The following SCML4 variants were observed in gnomAD, a reference collection of about 807,000 sequenced individuals.
The protein encoded by SCML4 is Scm polycomb group protein like 4, also known as sex comb on midleg-like protein 4.
A neutral mutation model predicts 41.1 loss-of-function variants in SCML4; 34 were observed. The ratio of observed to expected loss-of-function variants is 0.83; its 90% confidence interval spans 0.63 to 1.10. The LOEUF is 1.10. Ranked by LOEUF, SCML4 falls within the 50% of genes least tolerant of loss-of-function variation. The pLI is 0.00. For missense variants in SCML4, 522 were observed against 534.1 expected (o/e 0.98, Z 0.22); for synonymous variants, 214 against 220.9 (o/e 0.97, Z 0.28).
At chr6:107,824,999 ATG>A (rs923390450), upstream of SCML4, among the ~76,000 whole-genome samples, 1 of 151,268 alleles carries the variant, frequency 6.6e-6, no homozygotes, top group Admixed American at 6.6e-5. Flanking sequence ...CCAGGCCTGT[ATG>A]TGTGTGTGTG....
intron 1 of SCML4, among the ~76,000 whole-genome samples, chr6:107,781,921 C>A (rs1033428350): frequency 5.3e-5 from 8 of 152,142 alleles, no homozygotes; most frequent in Non-Finnish European, 1.2e-4. Context: ...TAGTAATGGG[C>A]CCTCGCTGTG....
rs187031889 is a variant in SCML4, at chr6:107,722,183, G to T, written c.683-1190C>A. On this transcript the variant is annotated intron_variant, in intron 5 of 7. Coordinates refer to ENST00000369020, the MANE Select transcript of SCML4 (RefSeq NM_198081.5). ...GTAGAGATGGGGTTTCACCATGTTG[G>T]CCAGGCTGGTCTCAAACTCCTGACC... Among the ~76,000 whole-genome samples the T allele has an allele frequency of 1.6e-3, 242 of 151,386 alleles. 7 individuals are homozygous for T. Among genetic ancestry groups the T allele is most frequent in the Admixed American group, 0.016 (242 of 15,216 alleles).
intron 7 of SCML4, among the ~76,000 whole-genome samples, chr6:107,706,788 G>A (rs1254817917): frequency 2.0e-5 from 3 of 152,114 alleles, no homozygotes; most frequent in Non-Finnish European, 2.9e-5. Flanking sequence ...CCGAGCAGCC[G>A]AACAGGCCTC....
intron 1 of SCML4, among the ~76,000 whole-genome samples, chr6:107,802,769 T>C (rs1783304407): frequency 6.9e-6 from 1 of 145,932 alleles, no homozygotes; most frequent in African/African-American, 2.6e-5. Flanking sequence ...CTCCCTCTCT[T>C]TCCACGGTCT....
At chr6:107,786,748 A>T (rs1027771479) in intron 1 of SCML4, among the ~76,000 whole-genome samples, 2 of 152,168 alleles carry the variant, frequency 1.3e-5, no homozygotes, top group Admixed American at 1.3e-4. Context: ...GAGGCAGCAG[A>T]GTCCAGCCCA....
chr6:107,762,695 C>G (rs1779697036), intron 2 of SCML4, among the ~76,000 whole-genome samples: 1 of 152,056 alleles, frequency 6.6e-6, no homozygotes, highest in African/African-American at 2.4e-5. Flanking sequence ...AAGCCTGACA[C>G]TATCAGAAGC....
chr6:107,751,630 CTTTCTT>C (rs1778676620), intron 2 of SCML4, among the ~76,000 whole-genome samples: 4 of 142,008 alleles, frequency 2.8e-5, no homozygotes, highest in Non-Finnish European at 6.1e-5. Flanking sequence ...TTCTTTCTTT[CTTTCTT>C]TCTTTCTTTC....
At chr6:107,759,526 G>A (rs1779409371) in intron 2 of SCML4, among the ~76,000 whole-genome samples, 1 of 152,162 alleles carries the variant, frequency 6.6e-6, no homozygotes, top group Non-Finnish European at 1.5e-5. Context: ...GGTGTACTTT[G>A]AGATGGAACT....
intron 6 of SCML4, among the ~76,000 whole-genome samples, chr6:107,716,137 A>C (rs891940952): frequency 3.9e-5 from 6 of 152,172 alleles, no homozygotes; most frequent in Non-Finnish European, 8.8e-5. Context: ...GTTTCCAAAC[A>C]TTTTTAGTTG....
intron 6 of SCML4, among the ~76,000 whole-genome samples, chr6:107,709,348 A>G (rs1005438015): frequency 6.6e-6 from 1 of 152,226 alleles, no homozygotes; most frequent in Non-Finnish European, 1.5e-5. Context: ...GATGTAGCTC[A>G]TCATGTGTGA....
chr6:107,818,796 C>T (rs1784737174), intron 1 of SCML4, among the ~76,000 whole-genome samples: 1 of 152,228 alleles, frequency 6.6e-6, no homozygotes, highest in Non-Finnish European at 1.5e-5. Context: ...GGATTAAAAT[C>T]CTGAGGCCAG....
In SCML4 at chr6:107,723,284, C is replaced by A. The variant is rs117022174; in HGVS notation, c.683-2291G>T. Among the ~76,000 whole-genome samples the A allele has an allele frequency of 2.9e-3, 449 of 152,238 alleles. 3 individuals are homozygous for A. Among genetic ancestry groups the A allele is most frequent in the Non-Finnish European group, 2.9e-3 (200 of 67,972 alleles). ...TACCACACATTATAGTTTAGCCTAG[C>A]TGACCTCAAACATGCTCAGAACACT... On this transcript the variant is annotated intron_variant, in intron 5 of 7. Transcript: ENST00000369020.
intron 2 of SCML4, among the ~76,000 whole-genome samples, chr6:107,756,438 C>T (rs920991118): frequency 6.6e-6 from 1 of 152,138 alleles, no homozygotes; most frequent in Non-Finnish European, 1.5e-5. Context: ...AAATACCCAA[C>T]CAGTACTCCT....
the SCML4 span, among the ~76,000 whole-genome samples, chr6:107,845,804 G>A: frequency 2.0e-5 from 3 of 152,194 alleles, no homozygotes; most frequent in African/African-American, 7.2e-5. Context: ...TTTACTACAC[G>A]TGGTATTACA....
At chr6:107,746,997 C>G in intron 3 of SCML4, 108 bp from the exon 4 acceptor site, 1 of 923,680 alleles carries the variant, frequency 1.1e-6, no homozygotes. Flanking sequence ...TGGCCCTGGC[C>G]TTGGGAAAGC....
At chr6:107,719,838 T>C in intron 6 of SCML4, 1 of 951,670 alleles carries the variant, frequency 1.1e-6, no homozygotes, top group South Asian at 4.8e-5. Context: ...CCAGGCTGTC[T>C]GGCTCTAGTC....
At chr6:107,796,402 G>A (rs1368507694) in intron 1 of SCML4, among the ~76,000 whole-genome samples, 1 of 152,144 alleles carries the variant, frequency 6.6e-6, no homozygotes, top group South Asian at 2.1e-4. Context: ...TAGAGATGCT[G>A]AGCCCGTTTT....
chr6:107,737,154 G>A (rs1391787686), intron 5 of SCML4, among the ~76,000 whole-genome samples: 1 of 152,190 alleles, frequency 6.6e-6, no homozygotes, highest in African/African-American at 2.4e-5. Context: ...GGACCCCCAG[G>A]TCTATCTAGC....
chr6:107,721,932 T>G (rs1325989261), intron 5 of SCML4, among the ~76,000 whole-genome samples: 1 of 151,542 alleles, frequency 6.6e-6, no homozygotes, highest in Non-Finnish European at 1.5e-5. Context: ...ACTTAGAAAG[T>G]CTGCCAACCT....
Sources: gnomAD v4.1 joint callset for allele counts (sites outside exome capture counted in the v4.1 genomes callset) on GRCh38, gnomAD v4.1.1 for gene constraint, MANE v1.5 for transcripts, NCBI Gene and HGNC (gene_info 2026-07-23, HGNC 2026-07-21) for gene names.